The following AKAP6 variants were observed in gnomAD, a reference collection of about 807,000 sequenced individuals.
AKAP6 encodes A-kinase anchor protein 6.
Under a neutral mutation model 188.5 loss-of-function variants are expected in AKAP6, and 58 were observed. That is an observed-to-expected ratio of 0.31 (90% CI 0.25 to 0.38). AKAP6 has a LOEUF of 0.38. AKAP6 is among the 10% of genes least tolerant of loss of function. AKAP6 has a pLI of 1.00. For missense variants in AKAP6, 2,710 were observed against 2,740.0 expected (o/e 0.99, Z 0.24); for synonymous variants, 989 against 998.6 (o/e 0.99, Z 0.18).
At chr14:32,628,579 T>A (rs1261596738) in intron 7 of AKAP6, among the ~76,000 whole-genome samples, 2 of 152,062 alleles carry the variant, frequency 1.3e-5, no homozygotes, top group Non-Finnish European at 2.9e-5. Context: ...CTGTCTTTTG[T>A]TTTTGCCTTT....
At chr14:32,383,630 T>G (rs577325297) in intron 1 of AKAP6, among the ~76,000 whole-genome samples, 129 of 152,290 alleles carry the variant, frequency 8.5e-4, no homozygotes, top group African/African-American at 3.0e-3. Flanking sequence ...GCATATCAAT[T>G]TACTCAATAA....
At chr14:32,658,915 A>C (rs934569707) in intron 7 of AKAP6, among the ~76,000 whole-genome samples, 1 of 151,820 alleles carries the variant, frequency 6.6e-6, no homozygotes, top group South Asian at 2.1e-4. Context: ...CCAGAGCTTC[A>C]GTTTGTTGTT....
chr14:32,736,343 G>A (rs1365536701), intron 11 of AKAP6, among the ~76,000 whole-genome samples: 1 of 152,050 alleles, frequency 6.6e-6, no homozygotes, highest in Non-Finnish European at 1.5e-5. Flanking sequence ...ATTTATGGAG[G>A]GAAGAAATAA....
chr14:32,761,307 C>T (rs1474028175), intron 11 of AKAP6, among the ~76,000 whole-genome samples: 2 of 152,118 alleles, frequency 1.3e-5, no homozygotes, highest in African/African-American at 4.8e-5. Context: ...GTTCTTGAAT[C>T]CATTTATTTC....
intron 5 of AKAP6, among the ~76,000 whole-genome samples, chr14:32,589,594 G>A (rs900788974): frequency 5.9e-5 from 9 of 152,106 alleles, no homozygotes; most frequent in Non-Finnish European, 8.8e-5. Flanking sequence ...TAGGATTCCT[G>A]CACTGTTTAA....
intron 1 of AKAP6, among the ~76,000 whole-genome samples, chr14:32,405,876 C>T (rs768690276): frequency 6.6e-6 from 1 of 152,180 alleles, no homozygotes; most frequent in Non-Finnish European, 1.5e-5. Context: ...TGTATTTCTT[C>T]ATAGCAGTGT....
At chr14:32,493,499 C>A (rs758582656) in intron 2 of AKAP6, among the ~76,000 whole-genome samples, 11 of 152,084 alleles carry the variant, frequency 7.2e-5, no homozygotes, top group Admixed American at 5.2e-4. Flanking sequence ...GTGTGAGCTA[C>A]CGCACCCGGC....
chr14:32,792,780 G>A (rs1301704168), intron 12 of AKAP6, among the ~76,000 whole-genome samples: 5 of 152,092 alleles, frequency 3.3e-5, no homozygotes, highest in Non-Finnish European at 7.4e-5. Context: ...ATTATTTTAA[G>A]ATATGTTTCA....
chr14:32,698,842 G>C (rs1890512303), intron 9 of AKAP6, among the ~76,000 whole-genome samples: 1 of 152,138 alleles, frequency 6.6e-6, no homozygotes, highest in African/African-American at 2.4e-5. Context: ...TAACGAAAAG[G>C]ATGAGGTGAA....
chr14:32,626,845 G>C (rs1022810095), intron 7 of AKAP6, among the ~76,000 whole-genome samples: 1 of 152,070 alleles, frequency 6.6e-6, no homozygotes, highest in Non-Finnish European at 1.5e-5. Flanking sequence ...TAAGCTCCTT[G>C]AAGGCAGGAA....
At chr14:32,541,097 C>T (rs1387295098) in intron 3 of AKAP6, among the ~76,000 whole-genome samples, 1 of 151,948 alleles carries the variant, frequency 6.6e-6, no homozygotes, top group Non-Finnish European at 1.5e-5. Flanking sequence ...AGTTATTACC[C>T]CACAAGTGAT....
chr14:32,633,325 GTT>G (rs1194770162), intron 7 of AKAP6, among the ~76,000 whole-genome samples: 1 of 152,096 alleles, frequency 6.6e-6, no homozygotes, highest in African/African-American at 2.4e-5. Context: ...CTTCTACGAA[GTT>G]TACTCATTTT....
At chr14:32,571,624 C>T (rs1391231149) in intron 4 of AKAP6, among the ~76,000 whole-genome samples, 2 of 152,196 alleles carry the variant, frequency 1.3e-5, no homozygotes, top group Non-Finnish European at 2.9e-5. Context: ...GCAGCTAACT[C>T]GATCTAGACT....
intron 12 of AKAP6, among the ~76,000 whole-genome samples, chr14:32,818,453 G>C (rs2034441377): frequency 6.6e-6 from 1 of 150,952 alleles, no homozygotes; most frequent in Admixed American, 6.6e-5. Flanking sequence ...CTCTAGATTA[G>C]TTACAGTAGT....
intron 1 of AKAP6, among the ~76,000 whole-genome samples, chr14:32,341,653 A>G (rs1471725216): frequency 1.3e-5 from 2 of 152,280 alleles, no homozygotes; most frequent in Non-Finnish European, 2.9e-5. Flanking sequence ...TTTGTAAAAT[A>G]AAAATGATAA....
intron 9 of AKAP6, among the ~76,000 whole-genome samples, chr14:32,711,063 A>C (rs1173754556): frequency 6.6e-6 from 1 of 152,024 alleles, no homozygotes; most frequent in Non-Finnish European, 1.5e-5. Flanking sequence ...ATAAATAATA[A>C]CTATTATGGC....
chr14:32,631,619 T>C (rs1164617676), intron 7 of AKAP6, among the ~76,000 whole-genome samples: 1 of 152,044 alleles, frequency 6.6e-6, no homozygotes, highest in African/African-American at 2.4e-5. Context: ...CAGATTTCTT[T>C]GCTATGATTG....
At chr14:32,552,522 A>T (rs1023453889) in intron 4 of AKAP6, among the ~76,000 whole-genome samples, 18 of 152,366 alleles carry the variant, frequency 1.2e-4, no homozygotes, top group African/African-American at 4.1e-4. Flanking sequence ...ATCAAGAATA[A>T]TAAAGACTAA....
intron 2 of AKAP6, among the ~76,000 whole-genome samples, chr14:32,530,562 T>C (rs1226834017): frequency 6.6e-6 from 1 of 152,074 alleles, no homozygotes; most frequent in Non-Finnish European, 1.5e-5. Flanking sequence ...GGGAAACCTT[T>C]AAGATGTTTT....
Sources: gnomAD v4.1 joint callset for allele counts (sites outside exome capture counted in the v4.1 genomes callset) on GRCh38, gnomAD v4.1.1 for gene constraint, MANE v1.5 for transcripts, NCBI Gene and HGNC (gene_info 2026-07-23, HGNC 2026-07-21) for gene names.